The following TIAM1 variants were observed in gnomAD, a reference collection of about 807,000 sequenced individuals.
TIAM1 encodes the protein rho guanine nucleotide exchange factor TIAM1.
Under a neutral mutation model 163.5 loss-of-function variants are expected in TIAM1, and 65 were observed. That is an observed-to-expected ratio of 0.40 (90% CI 0.33 to 0.49). TIAM1 has a LOEUF of 0.49. TIAM1 is among the 20% of genes least tolerant of loss of function. The pLI is 0.77. For missense variants in TIAM1, 1,789 were observed against 2,044.7 expected, an observed-to-expected ratio of 0.87 and a Z score of 2.41; for synonymous variants, 833 against 810.1, an observed-to-expected ratio of 1.03 and a Z score of -0.48.
chr21:31,273,447 C>T lies in TIAM1; in HGVS notation c.-12+3285G>A, dbSNP rs530964857. Among the ~76,000 whole-genome samples the T allele has an allele frequency of 1.6e-4, 25 of 152,334 alleles. No homozygotes were observed. In the East Asian group the frequency reaches 4.1e-3, roughly 25 times the overall value. On this transcript the variant is annotated intron_variant, in intron 3 of 27. Transcript: ENST00000541036. ...AAAAGCTTTGAGAACTGAATCATGACATAAACCACAGCCCAACCCTCAGAC... is the reference window on the plus strand; with the variant it reads ...AAAAGCTTTGAGAACTGAATCATGATATAAACCACAGCCCAACCCTCAGAC...
intron 2 of TIAM1, among the ~76,000 whole-genome samples, chr21:31,349,627 G>C (rs2076202682): frequency 6.6e-6 from 1 of 152,208 alleles, no homozygotes; most frequent in Non-Finnish European, 1.5e-5. Context: ...AAAAAGTCAA[G>C]TTCTAATTTC....
chr21:31,320,828 A>G (rs1383596248), intron 2 of TIAM1, among the ~76,000 whole-genome samples: 2 of 152,198 alleles, frequency 1.3e-5, no homozygotes, highest in East Asian at 3.9e-4. Flanking sequence ...ACCCATCTCC[A>G]CTAAAAACAC....
chr21:31,204,227 C>A (rs1429620527), intron 11 of TIAM1, among the ~76,000 whole-genome samples: 1 of 151,918 alleles, frequency 6.6e-6, no homozygotes, highest in Non-Finnish European at 1.5e-5. Context: ...AGGGGTACAT[C>A]CTAAAGCGCT....
intron 2 of TIAM1, among the ~76,000 whole-genome samples, chr21:31,365,840 T>C (rs938237803): frequency 2.6e-5 from 4 of 151,816 alleles, no homozygotes; most frequent in African/African-American, 7.3e-5. Flanking sequence ...CGGAGGCTTA[T>C]GCCTGTAATC....
chr21:31,171,929 C>G (rs1297146941), intron 15 of TIAM1, among the ~76,000 whole-genome samples: 1 of 152,190 alleles, frequency 6.6e-6, no homozygotes, highest in African/African-American at 2.4e-5. Flanking sequence ...CTTAAACCCT[C>G]CAGCCCCAGT....
intron 1 of TIAM1, among the ~76,000 whole-genome samples, chr21:31,512,915 A>C (rs1222254210): frequency 6.6e-6 from 1 of 152,058 alleles, no homozygotes. Context: ...AAGTGCTGTG[A>C]TTACAGGCAC....
intron 25 of TIAM1, among the ~76,000 whole-genome samples, 157 bp downstream of exon 25, chr21:31,130,056 G>A (rs2082348277): frequency 6.7e-6 from 1 of 149,800 alleles, no homozygotes; most frequent in Non-Finnish European, 1.5e-5. Context: ...GTAAATAAGA[G>A]GCAATAGAGA....
Position 31,294,120 on chromosome 21 carries a change from A to G in TIAM1, c.-188-17212T>C, listed in dbSNP as rs1376981619. Among the ~76,000 whole-genome samples, 3 of 152,300 alleles carry G rather than the reference A, an allele frequency of 2.0e-5. No homozygotes were observed. The East Asian group carries it at 5.8e-4, about 29-fold the overall frequency. The stretch of plus-strand genomic sequence containing the variant: ...GGGGGGTGTCCCCAGCAAGTCCTCA[A>G]TTCCAATGCAGCTGGGCTTAAAGTT... On this transcript the variant is annotated intron_variant, in intron 2 of 27. Transcript: ENST00000541036.
intron 2 of TIAM1, among the ~76,000 whole-genome samples, chr21:31,420,601 G>C (rs1002995004): frequency 2.0e-5 from 3 of 152,182 alleles, no homozygotes; most frequent in African/African-American, 7.2e-5. Context: ...TTGTTTTACT[G>C]TGGTCTACAT....
At chr21:31,179,020 G>A (rs1359718929) in intron 15 of TIAM1, among the ~76,000 whole-genome samples, 1 of 151,768 alleles carries the variant, frequency 6.6e-6, no homozygotes, top group Non-Finnish European at 1.5e-5. Context: ...CAAAGTGCTG[G>A]GATTACAGGC....
chr21:31,512,293 C>T (rs568457635), intron 1 of TIAM1, among the ~76,000 whole-genome samples: 4 of 151,790 alleles, frequency 2.6e-5, no homozygotes, highest in East Asian at 1.9e-4. Flanking sequence ...GAGGTGGGGC[C>T]TCCCCTGTGT....
intron 24 of TIAM1, 94 bp downstream of exon 24, chr21:31,130,796 G>T: frequency 8.5e-7 from 1 of 1,182,190 alleles, no homozygotes; most frequent in Non-Finnish European, 1.2e-6. Flanking sequence ...TCATAAAAAG[G>T]CTCATACTGA....
intron 2 of TIAM1, among the ~76,000 whole-genome samples, chr21:31,311,979 G>A (rs1454443395): frequency 6.6e-6 from 1 of 152,212 alleles, no homozygotes; most frequent in Non-Finnish European, 1.5e-5. Context: ...TCCCATGCTG[G>A]ATGCTTCCTG....
intron 2 of TIAM1, among the ~76,000 whole-genome samples, chr21:31,437,879 T>C (rs181605134): frequency 3.0e-4 from 45 of 152,322 alleles, no homozygotes; most frequent in Admixed American, 1.1e-3. Context: ...TTTCAGATAT[T>C]TCTTTATAGC....
At chr21:31,389,407 C>T (rs1413095919) in intron 2 of TIAM1, among the ~76,000 whole-genome samples, 2 of 152,128 alleles carry the variant, frequency 1.3e-5, no homozygotes, top group African/African-American at 4.8e-5. Context: ...CAGGGTTTCG[C>T]CATGTTGGCC....
intron 4 of TIAM1, among the ~76,000 whole-genome samples, chr21:31,261,882 C>T (rs2072495154): frequency 6.6e-6 from 1 of 152,176 alleles, no homozygotes; most frequent in Non-Finnish European, 1.5e-5. Flanking sequence ...TTGCTGGTCT[C>T]CTGAGGCTGA....
At chr21:31,127,268 G>A (rs2082235916) in intron 25 of TIAM1, 116 bp from the exon 26 acceptor site, 1 of 866,340 alleles carries the variant, frequency 1.2e-6, no homozygotes, top group Admixed American at 2.3e-5. Context: ...CACTGTATAA[G>A]ATCAAAGATA....
At chr21:31,326,631 C>T (rs538844104) in intron 2 of TIAM1, among the ~76,000 whole-genome samples, 4 of 152,170 alleles carry the variant, frequency 2.6e-5, no homozygotes, top group Admixed American at 1.3e-4. Context: ...ATTCCCCACG[C>T]CCTGCAGATG....
intron 10 of TIAM1, among the ~76,000 whole-genome samples, chr21:31,210,805 A>AGAAG (rs1569034971): frequency 2.7e-5 from 4 of 149,978 alleles, no homozygotes; most frequent in Non-Finnish European, 5.9e-5. Flanking sequence ...AAAGAAAGAA[A>AGAAG]GAAAGAAAGG....
Sources: gnomAD v4.1 joint callset for allele counts (sites outside exome capture counted in the v4.1 genomes callset) on GRCh38, gnomAD v4.1.1 for gene constraint, MANE v1.5 for transcripts, NCBI Gene and HGNC (gene_info 2026-07-23, HGNC 2026-07-21) for gene names.